DHX32: variants seen among roughly 807,000 people sequenced by gnomAD.
DHX32 encodes the protein putative pre-mRNA-splicing factor ATP-dependent RNA helicase DHX32.
In DHX32, 51 loss-of-function variants were observed where a neutral mutation model predicts 70.0. That is an observed-to-expected ratio of 0.73 (90% CI 0.58 to 0.92). The LOEUF (loss-of-function observed/expected upper bound fraction) is 0.92, where lower values mean the gene tolerates loss of function less well. Among genes scored for constraint, DHX32 ranks in the 40% least tolerant of loss-of-function variants. DHX32 has a pLI of 0.00. For synonymous variants in DHX32, 310 were observed against 315.3 expected (o/e 0.98, Z 0.18); for missense variants, 762 against 891.8 (o/e 0.85, Z 1.85).
At chr10:125,896,094 C>G in intron 1 of DHX32, 1 of 163,226 alleles carries the variant, frequency 6.1e-6, no homozygotes, top group Non-Finnish European at 1.3e-5. Flanking sequence ...CGTCCACGGC[C>G]AACTGCGGGC....
At chr10:125,851,529 A>T (rs1944089203) in intron 6 of DHX32, among the ~76,000 whole-genome samples, 1 of 152,184 alleles carries the variant, frequency 6.6e-6, no homozygotes, top group Non-Finnish European at 1.5e-5. Flanking sequence ...ACAGGTGGTG[A>T]TTCCTGGGCT....
Position 125,839,087 on chromosome 10 carries a change from C to G in DHX32, c.1795G>C (p.Glu599Gln), listed in dbSNP as rs763675474. The G allele has an allele frequency of 1.9e-6, 3 of 1,614,158 alleles. No individual in the cohort carries two copies. Among genetic ancestry groups the G allele is most frequent in the Non-Finnish European group, 1.7e-6 (2 of 1,180,030 alleles). ...AAAGCAGGTTCTGCATAGGGAAGCT[C>G]GATTCGCTTGATAATTTCTAAGAGT... is the stretch of plus-strand genomic sequence containing the variant. ...AELLEIIKRIELPYAEPAFGS... is the reference protein window; with the variant it reads ...AELLEIIKRIQLPYAEPAFGS... The change falls in exon 9 of 11, where the codon GAG becomes CAG. Residue 599 changes from glutamate (E) to glutamine (Q), a missense_variant. Physicochemically the swap from Glu to Gln is conservative, Grantham distance 29 (BLOSUM62 2). Coordinates refer to ENST00000284690, the MANE Select transcript of DHX32 (RefSeq NM_018180.3).
At chr10:125,876,585 T>C (rs1267461598) in intron 1 of DHX32, among the ~76,000 whole-genome samples, 3 of 152,186 alleles carry the variant, frequency 2.0e-5, no homozygotes, top group Non-Finnish European at 2.9e-5. Context: ...CTGAGAAGGA[T>C]ACACAGCACT....
At chr10:125,842,113 C>G in intron 6 of DHX32, 179 bp from the exon 7 acceptor site, 1 of 801,648 alleles carries the variant, frequency 1.2e-6, no homozygotes, top group Non-Finnish European at 1.8e-6. Flanking sequence ...AGGGCAAACT[C>G]AGGAGGGGAG....
chr10:125,848,292 A>G (rs915595747), intron 6 of DHX32, among the ~76,000 whole-genome samples: 1 of 152,192 alleles, frequency 6.6e-6, no homozygotes, highest in Non-Finnish European at 1.5e-5. Flanking sequence ...TTAATTTCAC[A>G]GGGACATGTT....
intron 7 of DHX32, 141 bp downstream of exon 7, chr10:125,841,602 C>T (rs1589703529): frequency 1.4e-6 from 2 of 1,452,240 alleles, no homozygotes; most frequent in African/African-American, 2.9e-5. Context: ...TAAAATACCT[C>T]ACTATCATTT....
In DHX32 at chr10:125,847,731, G is replaced by C. The variant is rs112185214; in HGVS notation, c.1351+4562C>G. 7.7e-3 allele frequency among the ~76,000 whole-genome samples: 985 copies of C among 128,230 alleles called. 7 individuals carry two copies. The highest frequency in any genetic ancestry group is 0.027 in the African/African-American group (944 of 34,438). The allele number at this position is 128,230 out of a possible 152,430, so 84.1% of individuals were successfully genotyped here. Reference sequence around the variant, plus strand: ...ATAGTGTAGAATCAGTGGGAGCCCTGAGCTTGTTTTCCTGTAACTAGACGG... The same window carrying C: ...ATAGTGTAGAATCAGTGGGAGCCCTCAGCTTGTTTTCCTGTAACTAGACGG... On this transcript the variant is annotated intron_variant, in intron 6 of 10. Coordinates refer to ENST00000284690, the MANE Select transcript of DHX32 (RefSeq NM_018180.3).
At position 125,880,854 on chromosome 10, in the gene DHX32, C is replaced by T; in HGVS notation, c.-30G>A. ...TCTGACAGTGAGCTCACGCAGCTGACATTCCACAAGCAAGTTTCTCCTATC... is the reference window on the plus strand; with the variant it reads ...TCTGACAGTGAGCTCACGCAGCTGATATTCCACAAGCAAGTTTCTCCTATC... On this transcript the variant is annotated 5_prime_UTR_variant, in exon 1 of 11. The change abolishes an upstream ATG in the 5' untranslated region. Transcript: ENST00000284690. The T allele has an allele frequency of 6.3e-7, 1 of 1,589,682 alleles. No individual in the cohort carries two copies. Among genetic ancestry groups the T allele is most frequent in the African/African-American group, 1.4e-5 (1 of 73,862 alleles).
rs1425184112 is a variant in DHX32, at chr10:125,866,668, A to G, written c.476+322T>C. 6.6e-6 allele frequency among the ~76,000 whole-genome samples: 1 copy of G among 152,248 alleles called. No individual in the cohort carries two copies. The highest frequency in any genetic ancestry group is 1.9e-4 in the East Asian group (1 of 5,200). ...GGCACACAGTGTGCTCCAGGTGTCC[A>G]TGTGGCTTGCACACAGGCAATGATG... is the stretch of plus-strand genomic sequence containing the variant. On this transcript the variant is annotated intron_variant, in intron 2 of 10. Transcript: ENST00000284690. This position sits in a 1 kb window ranked among gnomAD's most constrained non-coding sequence, Gnocchi z 4.8.
intron 1 of DHX32, among the ~76,000 whole-genome samples, chr10:125,895,477 T>C (rs1172931490): frequency 1.2e-4 from 18 of 152,340 alleles, no homozygotes; most frequent in African/African-American, 4.3e-4. Flanking sequence ...TCTCCATTTT[T>C]CTTTCCTCCT....
At chr10:125,852,225 G>A (rs907400224) in intron 6 of DHX32, 68 bp downstream of exon 6, 37 of 1,572,484 alleles carry the variant, frequency 2.4e-5, no homozygotes, top group Non-Finnish European at 3.0e-5. Flanking sequence ...GTGAACTCAG[G>A]ACAGAGAATG....
upstream of DHX32, among the ~76,000 whole-genome samples, chr10:125,884,008 T>C (rs531465052): frequency 3.3e-5 from 5 of 152,286 alleles, no homozygotes; most frequent in South Asian, 6.2e-4. Context: ...ACAGACACAT[T>C]TGTAAAGCTT....
At chr10:125,854,460 A>G (rs1944128839) in intron 3 of DHX32, 2 of 295,368 alleles carry the variant, frequency 6.8e-6, no homozygotes, top group Non-Finnish European at 1.2e-5. Flanking sequence ...CTAAGTAAAA[A>G]AGATGACTTC....
chr10:125,887,461 C>T (rs1348549225), intron 1 of DHX32, among the ~76,000 whole-genome samples: 12 of 152,092 alleles, frequency 7.9e-5, no homozygotes, highest in Non-Finnish European at 1.3e-4. Context: ...GGGGCCAGAT[C>T]GCAAAATACC....
intron 4 of DHX32, 120 bp downstream of exon 4, chr10:125,853,841 C>G (rs1264882920): frequency 7.7e-7 from 1 of 1,301,762 alleles, no homozygotes; most frequent in African/African-American, 1.5e-5. Context: ...TGACCAAATT[C>G]AACGAATCCC....
upstream of DHX32, among the ~76,000 whole-genome samples, chr10:125,884,773 T>C (rs961951982): frequency 1.3e-4 from 20 of 152,088 alleles, no homozygotes; most frequent in African/African-American, 4.3e-4. Context: ...CACCATTCAG[T>C]GCTCCTCTTT....
At position 125,859,535 on chromosome 10, in the gene DHX32, T is replaced by C. The variant is rs1171297209; in HGVS notation, c.849+68A>G. 18 of 1,482,640 alleles carry C rather than the reference T, an allele frequency of 1.2e-5. 1 individual carries two copies. Among genetic ancestry groups the C allele is most frequent in the Non-Finnish European group, 9.0e-7 (1 of 1,107,982 alleles). 91.8% of individuals were successfully genotyped at this position (1,482,640 alleles called of 1,614,324 possible). ...GTTAATTAGCAAACTGAAACCTGTA[T>C]GTTAGTTATTAAAAGCTTCCCAAAT... On this transcript the variant is annotated intron_variant, in intron 3 of 10. Transcript: ENST00000284690.
chr10:125,884,204 A>G (rs10901458), upstream of DHX32, among the ~76,000 whole-genome samples: 57,358 of 152,070 alleles, frequency 0.38, 11,276 homozygotes, highest in Non-Finnish European at 0.44. Context: ...ATTGACTCCA[A>G]TAACATTCAT....
chr10:125,860,100 G>T, intron 2 of DHX32, 125 bp from the exon 3 acceptor site: 1 of 847,852 alleles, frequency 1.2e-6, no homozygotes, highest in Non-Finnish European at 1.7e-6. Flanking sequence ...TTTTACTGGG[G>T]CCAAAATTCC....
Sources: allele counts gnomAD v4.1 joint callset (sites outside exome capture counted in the v4.1 genomes callset), GRCh38; gene constraint gnomAD v4.1.1; non-coding constraint Gnocchi (gnomAD v3.1); transcripts MANE v1.5; gene names NCBI Gene and HGNC (gene_info 2026-07-23, HGNC 2026-07-21).